The following ANKS6 variants were observed in gnomAD, a reference collection of about 807,000 sequenced individuals.
ANKS6 encodes ankyrin repeat and SAM domain-containing protein 6.
ANKS6 carries 47 observed loss-of-function variants against 77.9 expected under a neutral mutation model. That is an observed-to-expected ratio of 0.60 (90% CI 0.48 to 0.77). The LOEUF (loss-of-function observed/expected upper bound fraction) is 0.77. ANKS6 is among the 30% of genes least tolerant of loss of function. The probability of loss-of-function intolerance (pLI) is 0.00; values close to 1 mark genes in which losing one functional copy is unlikely to be tolerated. For missense variants in ANKS6, 1,150 were observed against 1,159.1 expected (o/e 0.99, Z 0.11); for synonymous variants, 488 against 501.7 (o/e 0.97, Z 0.37).
In ANKS6 at chr9:98,736,025, T is replaced by C; in HGVS notation, c.*494A>G. 1 of 1,204,384 alleles carries C rather than the reference T, an allele frequency of 8.3e-7. No individual in the cohort carries two copies. Among genetic ancestry groups the C allele is most frequent in the Non-Finnish European group, 1.0e-6 (1 of 971,268 alleles). The allele number at this position is 1,204,384 out of a possible 1,614,324, so 74.6% of individuals were successfully genotyped here. ...ACCCCCCATCTAAGTCAAAAGTTGT[T>C]GCTGGGAAGCCACTATGTGGAGACT... On this transcript the variant is annotated 3_prime_UTR_variant, in exon 15 of 15. Transcript: ENST00000353234.
intron 14 of ANKS6, among the ~76,000 whole-genome samples, chr9:98,741,253 A>G (rs545945975): frequency 6.6e-6 from 1 of 152,262 alleles, no homozygotes; most frequent in African/African-American, 2.4e-5. Flanking sequence ...CATATTAAAG[A>G]AAGCAGGATA....
Position 98,790,324 on chromosome 9 carries a change from G to A in ANKS6, c.642C>T (p.Gly214=), listed in dbSNP as rs747514682. 1.2e-5 allele frequency: 20 copies of A among 1,609,612 alleles called. No individual in the cohort carries two copies. Among genetic ancestry groups the A allele is most frequent in the African/African-American group, 5.3e-5 (4 of 74,886 alleles). ...TCCGGGCTGCGTGGTTGGGGTCCGC[G>A]CCCCACTCCATCAGTAGACGCACCA... ...EAVVRLLMEW[G]ADPNHAARTV... is the part of the protein sequence containing the mutation. Residue 214 remains glycine, a synonymous_variant, in exon 2 of 15, where the codon GGC becomes GGT. Coordinates refer to ENST00000353234, the MANE Select transcript of ANKS6 (RefSeq NM_173551.5).
At position 98,735,920 on chromosome 9, in the gene ANKS6, G is replaced by C; in HGVS notation, c.*599C>G. The stretch of plus-strand genomic sequence containing the variant: ...GGGTCAAAAAAGACTTCATCTGAGA[G>C]GTGACTTGGACTAGGAGGGGCAAGT... On this transcript the variant is annotated 3_prime_UTR_variant, in exon 15 of 15. Coordinates refer to ENST00000353234, the MANE Select transcript of ANKS6 (RefSeq NM_173551.5). The C allele has an allele frequency of 8.1e-7, 1 of 1,231,204 alleles. No homozygotes were observed. Among genetic ancestry groups the C allele is most frequent in the Non-Finnish European group, 1.0e-6 (1 of 988,232 alleles). The allele number at this position is 1,231,204 out of a possible 1,614,324, so 76.3% of individuals were successfully genotyped here.
At chr9:98,768,422 T>C (rs1392651200) in intron 10 of ANKS6, among the ~76,000 whole-genome samples, 172 bp from the exon 11 acceptor site, 1 of 151,584 alleles carries the variant, frequency 6.6e-6, no homozygotes, top group Non-Finnish European at 1.5e-5. Flanking sequence ...AACCAGGAGG[T>C]AGATGTTTAG....
At chr9:98,765,607 A>T (rs748763885) in intron 11 of ANKS6, among the ~76,000 whole-genome samples, 1 of 152,176 alleles carries the variant, frequency 6.6e-6, no homozygotes, top group Non-Finnish European at 1.5e-5. Context: ...ACCCACAGAC[A>T]CACAAGCAGC....
chr9:98,790,676 A>G, intron 1 of ANKS6, 70 bp from the exon 2 acceptor site: 1 of 1,527,030 alleles, frequency 6.5e-7, no homozygotes, highest in Admixed American at 1.8e-5. Context: ...GTCATCCTTA[A>G]TTGGCATGAA....
chr9:98,769,555 G>C (rs1224842940), intron 10 of ANKS6, among the ~76,000 whole-genome samples: 1 of 152,176 alleles, frequency 6.6e-6, no homozygotes, highest in African/African-American at 2.4e-5. Flanking sequence ...AGATATATAT[G>C]TATCAACATA....
At chr9:98,753,682 C>T (rs138561394) in intron 12 of ANKS6, among the ~76,000 whole-genome samples, 6 of 151,992 alleles carry the variant, frequency 3.9e-5, no homozygotes, top group South Asian at 4.2e-4. Flanking sequence ...GTAAATACCC[C>T]CATCATAGCC....
In ANKS6 at chr9:98,735,402, A is replaced by G; in HGVS notation, c.*1117T>C. 1 of 1,136,700 alleles carries G rather than the reference A, an allele frequency of 8.8e-7. No individual in the cohort carries two copies. The highest frequency in any genetic ancestry group is 4.5e-5 in the East Asian group (1 of 22,086). 70.4% of individuals were successfully genotyped at this position (1,136,700 alleles called of 1,614,324 possible). A position where few individuals can be genotyped will look rare whatever the true frequency, so the allele number is the denominator to read the frequency against. On this transcript the variant is annotated 3_prime_UTR_variant, in exon 15 of 15. Transcript: ENST00000353234. ...TGGCTGAATGAGTCATTCACTGGAA[A>G]ACACTTCAGAAAGCCAGTGGGTTTT...
At chr9:98,764,636 G>T (rs1408273218) in intron 11 of ANKS6, among the ~76,000 whole-genome samples, 1 of 152,030 alleles carries the variant, frequency 6.6e-6, no homozygotes, top group Non-Finnish European at 1.5e-5. Flanking sequence ...TCTTTCCCTG[G>T]CGGCCTCAAG....
Position 98,733,961 on chromosome 9 carries a change from G to C in ANKS6, c.*2558C>G. The C allele has an allele frequency of 3.0e-6, 3 of 985,408 alleles. No individual in the cohort carries two copies. The highest frequency in any genetic ancestry group is 3.6e-6 in the Non-Finnish European group (3 of 829,952). The allele number at this position is 985,408 out of a possible 1,614,324, so 61.0% of individuals were successfully genotyped here. A position where few individuals can be genotyped will look rare whatever the true frequency, so the allele number is the denominator to read the frequency against. On this transcript the variant is annotated 3_prime_UTR_variant, in exon 15 of 15. Transcript: ENST00000353234. ...GGGGGGAACAGCCACAGGCAGGCTG[G>C]GGACACGTGTGGGAAGGGAAGGGGG...
Position 98,756,606 on chromosome 9 carries a change from G to A in ANKS6, c.2143-3C>T. ...GGCCTTTTGCTGGTCTCCAATTTCTGCTGAACAGAGTAAGACAAATACATA... is the reference window on the plus strand; with the variant it reads ...GGCCTTTTGCTGGTCTCCAATTTCTACTGAACAGAGTAAGACAAATACATA... On this transcript the variant is annotated splice_polypyrimidine_tract_variant and splice_region_variant and intron_variant, in intron 11 of 14. Transcript: ENST00000353234. 2.0e-6 allele frequency: 3 copies of A among 1,529,984 alleles called. No individual in the cohort carries two copies. The highest frequency in any genetic ancestry group is 2.6e-6 in the Non-Finnish European group (3 of 1,142,324). The allele number at this position is 1,529,984 out of a possible 1,614,324, so 94.8% of individuals were successfully genotyped here.
In ANKS6 at chr9:98,745,606, A is replaced by G; in HGVS notation, c.2464T>C (p.Ser822Pro). The G allele has an allele frequency of 6.2e-7, 1 of 1,614,088 alleles. No homozygotes were observed. Among genetic ancestry groups the G allele is most frequent in the Non-Finnish European group, 8.5e-7 (1 of 1,180,000 alleles). Residue 822 changes from serine (S) to proline (P), a missense_variant, in exon 14 of 15, where the codon TCC becomes CCC. Transcript: ENST00000353234. The part of the protein sequence containing the change: ...LKELGIKTDG[S>P]RQQILAAISE... ...ATCGCTGCCAGAATCTGCTGCCTGGACCCATCTGTCTTAATTCCCAGCTCC... is the reference window on the plus strand; with the variant it reads ...ATCGCTGCCAGAATCTGCTGCCTGGGCCCATCTGTCTTAATTCCCAGCTCC...
At position 98,732,548 on chromosome 9, in the gene ANKS6, C is replaced by G. The variant is rs1044827975; in HGVS notation, c.*3971G>C. 2.3e-5 allele frequency: 35 copies of G among 1,550,496 alleles called. No individual in the cohort carries two copies. Among genetic ancestry groups the G allele is most frequent in the Non-Finnish European group, 2.9e-5 (33 of 1,147,012 alleles). ...GTTTCTTCTGGCCTCACCCACCCAACCATGGCTACGTCAGGGCAGAAGGGA... is the reference window on the plus strand; with the variant it reads ...GTTTCTTCTGGCCTCACCCACCCAAGCATGGCTACGTCAGGGCAGAAGGGA... On this transcript the variant is annotated 3_prime_UTR_variant, in exon 15 of 15. Transcript: ENST00000353234.
chr9:98,787,811 C>T (rs139764712), intron 2 of ANKS6, among the ~76,000 whole-genome samples: 43 of 152,334 alleles, frequency 2.8e-4, no homozygotes, highest in South Asian at 1.7e-3. Context: ...AGAACTGAGC[C>T]TCAGACTAGT....
rs562403472 is a variant in ANKS6 at position 98,733,292 on chromosome 9, G to A, written c.*3227C>T. 16 of 985,504 alleles carry A rather than the reference G, an allele frequency of 1.6e-5. No individual in the cohort carries two copies. The highest frequency in any genetic ancestry group is 1.1e-4 in the East Asian group (1 of 8,818). 61.0% of individuals were successfully genotyped at this position (985,504 alleles called of 1,614,324 possible). A position where few individuals can be genotyped will look rare whatever the true frequency, so the allele number is the denominator to read the frequency against. On this transcript the variant is annotated 3_prime_UTR_variant, in exon 15 of 15. Coordinates refer to ENST00000353234, the MANE Select transcript of ANKS6 (RefSeq NM_173551.5). ...TGAAGAAGAGAGGCAGGAGCCCTCC[G>A]TGGCCAGCAGGGACTTGGACATCCA...
At chr9:98,768,322 C>A in intron 10 of ANKS6, 72 bp from the exon 11 acceptor site, 3 of 1,568,348 alleles carry the variant, frequency 1.9e-6, no homozygotes, top group Non-Finnish European at 2.6e-6. Context: ...GGTGGACTGT[C>A]GTGTGATGAT....
chr9:98,756,362 C>T (rs1331898910), intron 12 of ANKS6, 58 bp downstream of exon 12: 2 of 1,568,718 alleles, frequency 1.3e-6, no homozygotes, highest in Admixed American at 1.9e-5. Context: ...CAGTTCCTTG[C>T]TGCCAGGTCA....
At chr9:98,780,950 G>A (rs1374791967) in intron 5 of ANKS6, among the ~76,000 whole-genome samples, 1 of 146,914 alleles carries the variant, frequency 6.8e-6, no homozygotes, top group Non-Finnish European at 1.5e-5. Flanking sequence ...CACCCAGGCT[G>A]GAGTGCAGTG....
Sources: allele counts gnomAD v4.1 joint callset (sites outside exome capture counted in the v4.1 genomes callset), GRCh38; gene constraint gnomAD v4.1.1; transcripts MANE v1.5; gene names NCBI Gene and HGNC (gene_info 2026-07-23, HGNC 2026-07-21).